Variants in SLCO2A1 observed in about 807,000 individuals in gnomAD.
SLCO2A1 encodes solute carrier organic anion transporter family member 2A1.
In SLCO2A1, 60 loss-of-function variants were observed where a neutral mutation model predicts 71.7. The ratio of observed to expected loss-of-function variants is 0.84; its 90% confidence interval spans 0.68 to 1.04. The LOEUF is 1.04. Ranked by LOEUF, SLCO2A1 falls within the 50% of genes least tolerant of loss-of-function variation. SLCO2A1 has a pLI of 0.00. For missense variants in SLCO2A1, 745 were observed against 813.4 expected (o/e 0.92, Z 1.02); for synonymous variants, 308 against 326.7 (o/e 0.94, Z 0.62).
chr3:134,016,657 C>T (rs1276436051), intron 1 of SLCO2A1, among the ~76,000 whole-genome samples: 3 of 152,188 alleles, frequency 2.0e-5, no homozygotes, highest in African/African-American at 7.2e-5. Flanking sequence ...CACCATGCAA[C>T]TAACATATAA....
At chr3:134,029,244 G>A (rs1935766901) in intron 1 of SLCO2A1, among the ~76,000 whole-genome samples, 3 of 152,140 alleles carry the variant, frequency 2.0e-5, no homozygotes, top group Admixed American at 2.0e-4. Context: ...GAGGGGGCTC[G>A]GACGAGACAC....
chr3:134,029,458 C>T (rs1279874421), intron 1 of SLCO2A1, among the ~76,000 whole-genome samples: 2 of 149,270 alleles, frequency 1.3e-5, no homozygotes, highest in African/African-American at 5.0e-5. Flanking sequence ...TTACTTAGTC[C>T]GATGAAGGCG....
At chr3:134,024,456 G>A (rs1308051063) in intron 1 of SLCO2A1, among the ~76,000 whole-genome samples, 1 of 152,188 alleles carries the variant, frequency 6.6e-6, no homozygotes, top group East Asian at 1.9e-4. Context: ...AGCTTTTCAT[G>A]AGTTAAAAGA....
In SLCO2A1 at chr3:133,982,994, T is replaced by C. The variant is rs759113491; in HGVS notation, c.97-3376A>G. ...CTGCCTCCATATTTTCTGCTGAGACTGATCATATTTTGCAAAGATGGCCAC... is the reference window on the plus strand; with the variant it reads ...CTGCCTCCATATTTTCTGCTGAGACCGATCATATTTTGCAAAGATGGCCAC... On this transcript the variant is annotated intron_variant, in intron 1 of 13. Transcript: ENST00000310926. Among the ~76,000 whole-genome samples the C allele has an allele frequency of 2.9e-4, 44 of 152,170 alleles. 1 individual carries two copies. Among genetic ancestry groups the C allele is most frequent in the Admixed American group, 2.5e-3 (38 of 15,280 alleles).
chr3:133,955,326 G>A (rs919391895), intron 3 of SLCO2A1, 133 bp from the exon 4 acceptor site: 16 of 670,134 alleles, frequency 2.4e-5, no homozygotes, highest in Middle Eastern at 4.0e-4. Flanking sequence ...TAGCAAATGG[G>A]ACATGGTTCC....
intron 1 of SLCO2A1, among the ~76,000 whole-genome samples, chr3:134,004,129 T>C (rs1361070179): frequency 1.3e-5 from 2 of 151,296 alleles, no homozygotes; most frequent in East Asian, 3.9e-4. Context: ...TGTGTGTGTG[T>C]GTGTGTATCT....
intron 3 of SLCO2A1, among the ~76,000 whole-genome samples, chr3:133,972,599 C>CAAAGA (rs567388567): frequency 2.6e-5 from 4 of 151,798 alleles, no homozygotes; most frequent in African/African-American, 9.7e-5. Flanking sequence ...TACAGAACAA[C>CAAAGA]AAAGAAAAGA....
intron 1 of SLCO2A1, among the ~76,000 whole-genome samples, chr3:134,009,541 T>C (rs1935288439): frequency 6.6e-6 from 1 of 151,974 alleles, no homozygotes; most frequent in Admixed American, 6.6e-5. Context: ...GCTGACTGGG[T>C]TTCCATTTAT....
At chr3:133,964,515 T>C (rs761613646) in intron 3 of SLCO2A1, among the ~76,000 whole-genome samples, 6 of 152,146 alleles carry the variant, frequency 3.9e-5, no homozygotes, top group Non-Finnish European at 5.9e-5. Flanking sequence ...AGAAACTAGA[T>C]ACCAGTAAGA....
intron 3 of SLCO2A1, among the ~76,000 whole-genome samples, chr3:133,963,482 C>A (rs775145550): frequency 2.0e-5 from 3 of 152,220 alleles, no homozygotes; most frequent in Admixed American, 6.5e-5. Flanking sequence ...GCAAGAGGGG[C>A]TTTCCTTTGA....
rs983463849 is a variant in SLCO2A1 at position 134,003,712 on chromosome 3, G to A, written c.97-24094C>T. 3.3e-5 allele frequency among the ~76,000 whole-genome samples: 5 copies of A among 152,208 alleles called. No individual in the cohort carries two copies. In the South Asian group the frequency reaches 6.2e-4, roughly 19 times the overall value. ...AGTGTCACTGCCCTTGGCCCCCATG[G>A]CAGTGTTTTTGATGTGGCAACTCGG... On this transcript the variant is annotated intron_variant, in intron 1 of 13. Transcript: ENST00000310926.
At chr3:134,022,430 A>G (rs1041877330) in intron 1 of SLCO2A1, among the ~76,000 whole-genome samples, 1 of 152,174 alleles carries the variant, frequency 6.6e-6, no homozygotes, top group African/African-American at 2.4e-5. Context: ...AAAAAAAATT[A>G]TTGTTTTGAA....
At chr3:134,000,726 C>A (rs1010845349) in intron 1 of SLCO2A1, among the ~76,000 whole-genome samples, 1 of 152,216 alleles carries the variant, frequency 6.6e-6, no homozygotes, top group East Asian at 1.9e-4. Flanking sequence ...AAAATGGCAA[C>A]CCAGTCGCAA....
chr3:133,996,151 CAAG>C (rs760992872), intron 1 of SLCO2A1, among the ~76,000 whole-genome samples: 1 of 152,176 alleles, frequency 6.6e-6, no homozygotes, highest in African/African-American at 2.4e-5. Context: ...GAGGTTTCAT[CAAG>C]AAGAAGTTAG....
chr3:133,973,513 T>C (rs192128862), intron 3 of SLCO2A1, 150 bp downstream of exon 3: 10 of 795,488 alleles, frequency 1.3e-5, no homozygotes. Flanking sequence ...AGAGTTCAGT[T>C]GCTCCATAGC....
chr3:133,986,312 CT>C lies in SLCO2A1; in HGVS notation c.97-6695del, dbSNP rs1176534923. Among the ~76,000 whole-genome samples, 3 of 152,098 alleles carry C rather than the reference CT, an allele frequency of 2.0e-5. No individual in the cohort carries two copies. The East Asian group carries it at 5.8e-4, about 29-fold the overall frequency. On this transcript the variant is annotated intron_variant, in intron 1 of 13. Transcript: ENST00000310926. ...AGCGTTGGCAATGTCATTGGAATAA[CT>C]TTGTTTATTCAAGAGTCCTATTTTG... is the stretch of plus-strand genomic sequence containing the variant.
chr3:133,959,860 C>A (rs1933992201), intron 3 of SLCO2A1, among the ~76,000 whole-genome samples: 3 of 152,082 alleles, frequency 2.0e-5, no homozygotes, highest in Middle Eastern at 3.4e-3. Context: ...GTGGCTCATA[C>A]CTGTAATCCC....
At chr3:133,937,972 G>A (rs1933314582) in intron 12 of SLCO2A1, among the ~76,000 whole-genome samples, 1 of 152,230 alleles carries the variant, frequency 6.6e-6, no homozygotes, top group African/African-American at 2.4e-5. Flanking sequence ...CTTGAGGGCA[G>A]GCAGGACTCA....
At chr3:134,008,033 T>C (rs1468259665) in intron 1 of SLCO2A1, among the ~76,000 whole-genome samples, 1 of 152,230 alleles carries the variant, frequency 6.6e-6, no homozygotes, top group Non-Finnish European at 1.5e-5. Flanking sequence ...TAGCTGCTTA[T>C]GGTTCATCTT....
Sources: gnomAD v4.1 joint callset for allele counts (sites outside exome capture counted in the v4.1 genomes callset) on GRCh38, gnomAD v4.1.1 for gene constraint, MANE v1.5 for transcripts, NCBI Gene and HGNC (gene_info 2026-07-23, HGNC 2026-07-21) for gene names.